The following SPATA13 variants were observed in gnomAD, a reference collection of about 807,000 sequenced individuals.
The protein encoded by SPATA13 is spermatogenesis associated 13, also known as spermatogenesis-associated protein 13.
Under a neutral mutation model 104.0 loss-of-function variants are expected in SPATA13, and 50 were observed. The ratio of observed to expected loss-of-function variants is 0.48; its 90% CI spans 0.38 to 0.61. The LOEUF (loss-of-function observed/expected upper bound fraction) is 0.61. SPATA13 is among the 20% of genes least tolerant of loss of function. The pLI, the probability that SPATA13 is intolerant of heterozygous loss-of-function variation, is 0.00. For synonymous variants in SPATA13, 606 were observed against 667.5 expected (o/e 0.91, Z 1.42); for missense variants, 1,524 against 1,690.6 (o/e 0.90, Z 1.73).
intron 2 of SPATA13, among the ~76,000 whole-genome samples, chr13:24,238,225 C>T (rs1182451409): frequency 1.6e-5 from 2 of 121,904 alleles, no homozygotes. Flanking sequence ...GGCATAATCT[C>T]GGCTCACTGC....
At chr13:24,284,876 GTTA>G (rs1281766857) in intron 5 of SPATA13, among the ~76,000 whole-genome samples, 1 of 152,116 alleles carries the variant, frequency 6.6e-6, no homozygotes, top group African/African-American at 2.4e-5. Context: ...GGACATTATG[GTTA>G]TTATCCACAT....
intron 3 of SPATA13, among the ~76,000 whole-genome samples, chr13:24,126,895 T>G (rs1294131206): frequency 1.3e-5 from 2 of 152,198 alleles, no homozygotes. Flanking sequence ...GCTCTAGGAA[T>G]CTTTACCCTA....
At chr13:24,292,345 T>C (rs1876450246) in intron 9 of SPATA13, among the ~76,000 whole-genome samples, 1 of 152,196 alleles carries the variant, frequency 6.6e-6, no homozygotes, top group Non-Finnish European at 1.5e-5. Flanking sequence ...TTCTGAGTTC[T>C]CACCTGGCCA....
At chr13:24,270,661 T>G in intron 4 of SPATA13, 2 of 1,291,126 alleles carry the variant, frequency 1.5e-6, no homozygotes, top group Non-Finnish European at 2.1e-6. Flanking sequence ...TAACCCTTGG[T>G]CACACGGAGT....
At chr13:24,259,141 A>T (rs1172691830) in intron 4 of SPATA13, among the ~76,000 whole-genome samples, 1 of 152,146 alleles carries the variant, frequency 6.6e-6, no homozygotes, top group Non-Finnish European at 1.5e-5. Context: ...CGTGCAAGTG[A>T]CCCTGCAGGA....
chr13:24,022,635 ACTAAAATAAGAATTTTTTGGGG>A (rs1704130562), intron 3 of SPATA13, among the ~76,000 whole-genome samples: 1 of 152,210 alleles, frequency 6.6e-6, no homozygotes, highest in Non-Finnish European at 1.5e-5. Flanking sequence ...ATTTTTGAAA[ACTAAAATAAGAATTTTTTGGGG>A]CTAAAACAAG....
chr13:24,109,793 A>G (rs1880577357), intron 3 of SPATA13, among the ~76,000 whole-genome samples: 1 of 151,972 alleles, frequency 6.6e-6, no homozygotes, highest in African/African-American at 2.4e-5. Flanking sequence ...TGTACATTTT[A>G]CTCTGGTAAA....
chr13:24,299,542 T>A (rs966667006), intron 11 of SPATA13, among the ~76,000 whole-genome samples: 2 of 152,196 alleles, frequency 1.3e-5, no homozygotes, highest in Admixed American at 1.3e-4. Flanking sequence ...AGCCTGAGCC[T>A]GACGTCAGGA....
Position 24,161,035 on chromosome 13 carries a change from TCGGGATGTCCAGCTC to T in SPATA13, c.-112+105_-112+119del, listed in dbSNP as rs1882456274. On this transcript the variant is annotated intron_variant, in intron 1 of 12. Transcript: ENST00000382108. This position sits in a 1 kb window ranked among gnomAD's most constrained non-coding sequence, Gnocchi z 4.5. ...AGTCCCAGTGGACTGCCTCGGGGCT[TCGGGATGTCCAGCTC>T]CCAGCTGCTTGGCCTCTGCTTCCCC... 1.4e-6 allele frequency: 1 copy of T among 710,806 alleles called. No homozygotes were observed. The highest frequency in any genetic ancestry group is 6.3e-5 in the Admixed American group (1 of 15,940). 44.0% of individuals were successfully genotyped at this position (710,806 alleles called of 1,614,324 possible). A position where few individuals can be genotyped will look rare whatever the true frequency, so the allele number is the denominator to read the frequency against.
intron 3 of SPATA13, among the ~76,000 whole-genome samples, chr13:24,050,978 G>C (rs150513186): frequency 1.0e-3 from 156 of 152,272 alleles, no homozygotes; most frequent in Admixed American, 2.3e-3. Context: ...GTTACCTGAG[G>C]GTTTTCCAGC....
At chr13:24,056,057 A>G (rs1487436625) in intron 3 of SPATA13, among the ~76,000 whole-genome samples, 1 of 152,208 alleles carries the variant, frequency 6.6e-6, no homozygotes, top group African/African-American at 2.4e-5. Flanking sequence ...GAGCCAACAC[A>G]TTTCTCCATG....
At chr13:24,295,956 C>T (rs1263786903) in intron 10 of SPATA13, among the ~76,000 whole-genome samples, 5 of 152,074 alleles carry the variant, frequency 3.3e-5, no homozygotes, top group Non-Finnish European at 5.9e-5. Flanking sequence ...CTTCAAAGTC[C>T]GTGCTGGTGA....
chr13:24,197,766 A>C (rs1018065935), intron 1 of SPATA13, among the ~76,000 whole-genome samples: 10 of 152,124 alleles, frequency 6.6e-5, no homozygotes, highest in African/African-American at 1.9e-4. Flanking sequence ...CTAATTTTAA[A>C]AAATATGTAT....
intron 2 of SPATA13, among the ~76,000 whole-genome samples, chr13:24,231,062 C>T (rs536551730): frequency 9.9e-5 from 15 of 152,164 alleles, no homozygotes; most frequent in African/African-American, 2.7e-4. Flanking sequence ...TTGGCTCCCC[C>T]CAGAAGGCTT....
Position 24,000,557 on chromosome 13 carries a change from C to T in SPATA13, c.-147+16624C>T, listed in dbSNP as rs572312265. ...AGGCCACAAACCAAGCACACGGCAA[C>T]AACATAAGATGTTTGCTAATGTGAT... On this transcript the variant is annotated intron_variant, in intron 2 of 14. Coordinates refer to the SPATA13 transcript ENST00000424834. Among the ~76,000 whole-genome samples the T allele has an allele frequency of 2.0e-4, 31 of 152,208 alleles. 1 individual carries two copies. Among genetic ancestry groups the T allele is most frequent in the Admixed American group, 8.5e-4 (13 of 15,284 alleles).
chr13:24,123,370 A>C, intron 3 of SPATA13: 1 of 1,293,476 alleles, frequency 7.7e-7, no homozygotes, highest in Middle Eastern at 2.2e-4. Flanking sequence ...ATTACCCAGC[A>C]AGCCCTTGCT....
At chr13:24,175,495 C>G (rs1883180299) in intron 1 of SPATA13, among the ~76,000 whole-genome samples, 1 of 152,136 alleles carries the variant, frequency 6.6e-6, no homozygotes. Context: ...GAAAACCCAG[C>G]TTGATCTCAG....
intron 2 of SPATA13, among the ~76,000 whole-genome samples, chr13:23,992,251 G>A (rs1875449632): frequency 6.6e-6 from 1 of 152,208 alleles, no homozygotes; most frequent in South Asian, 2.1e-4. Flanking sequence ...GTCTAGCTTT[G>A]TTCCTAATAG....
intron 4 of SPATA13, among the ~76,000 whole-genome samples, chr13:24,256,564 ATT>A (rs561049769): frequency 4.4e-4 from 65 of 147,716 alleles, no homozygotes; most frequent in African/African-American, 1.6e-3. Context: ...ATTGCATTTA[ATT>A]TTTTTTTTTT....
Sources: gnomAD v4.1 joint callset for allele counts (sites outside exome capture counted in the v4.1 genomes callset) on GRCh38, gnomAD v4.1.1 for gene constraint, Gnocchi (gnomAD v3.1) non-coding constraint, MANE v1.5 for transcripts, NCBI Gene and HGNC (gene_info 2026-07-23, HGNC 2026-07-21) for gene names.